The following MPPED2 variants were observed in gnomAD, a reference collection of about 807,000 sequenced individuals.
The protein encoded by MPPED2 is metallophosphoesterase domain containing 2.
Under a neutral mutation model 33.0 loss-of-function variants are expected in MPPED2, and 5 were observed. The ratio of observed to expected loss-of-function variants is 0.15; its 90% CI spans 0.08 to 0.32. The LOEUF is 0.32. Ranked by LOEUF, MPPED2 falls within the 10% of genes least tolerant of loss-of-function variation. The pLI is 1.00. For synonymous variants in MPPED2, 136 were observed against 141.9 expected (o/e 0.96, Z 0.29); for missense variants, 275 against 372.1 (o/e 0.74, Z 2.15).
chr11:30,432,152 G>C (rs927897078), intron 4 of MPPED2, among the ~76,000 whole-genome samples: 2 of 143,668 alleles, frequency 1.4e-5, no homozygotes, highest in Non-Finnish European at 3.0e-5. Context: ...ATGGGGGATA[G>C]AGCAGGATTC....
chr11:30,427,177 G>C (rs1479287325), intron 4 of MPPED2, among the ~76,000 whole-genome samples: 1 of 152,204 alleles, frequency 6.6e-6, no homozygotes, highest in Non-Finnish European at 1.5e-5. Context: ...AAAGAGGAAA[G>C]GTAGGTTCGG....
chr11:30,519,824 T>C (rs1375187159), intron 3 of MPPED2, among the ~76,000 whole-genome samples: 1 of 152,146 alleles, frequency 6.6e-6, no homozygotes, highest in Non-Finnish European at 1.5e-5. Flanking sequence ...TGCTCTTGGT[T>C]GATTAACAAT....
intron 4 of MPPED2, among the ~76,000 whole-genome samples, chr11:30,467,827 G>A (rs1333417099): frequency 6.6e-6 from 1 of 152,114 alleles, no homozygotes; most frequent in Non-Finnish European, 1.5e-5. Context: ...TCACGCCTTG[G>A]GCTTTCATCA....
rs1443707278 is a variant in MPPED2, at chr11:30,444,017, G to A, written c.537-26384C>T. ...AAATAAATGTCTTTTTTGTGTTATT[G>A]CTATCTCACAAGAGTTAAAGCCAAA... On this transcript the variant is annotated intron_variant, in intron 4 of 6. Coordinates refer to ENST00000358117, the MANE Select transcript of MPPED2 (RefSeq NM_001584.3). 2.0e-5 allele frequency among the ~76,000 whole-genome samples: 3 copies of A among 152,204 alleles called. No individual in the cohort carries two copies. In the East Asian group the frequency reaches 5.8e-4, roughly 29 times the overall value.
chr11:30,534,381 G>A (rs489880), intron 3 of MPPED2, among the ~76,000 whole-genome samples: 55,663 of 151,936 alleles, frequency 0.37, 10,633 homozygotes, highest in African/African-American at 0.47. Flanking sequence ...AGAGAAAAAA[G>A]ACATAAGCGA....
intron 4 of MPPED2, among the ~76,000 whole-genome samples, chr11:30,479,596 G>A (rs1167643407): frequency 1.3e-5 from 2 of 151,942 alleles, no homozygotes; most frequent in Non-Finnish European, 2.9e-5. Flanking sequence ...TTGCTACAAG[G>A]TTTGATTTTG....
chr11:30,582,529 A>T (rs1201138373), intron 1 of MPPED2, among the ~76,000 whole-genome samples: 1 of 152,228 alleles, frequency 6.6e-6, no homozygotes, highest in African/African-American at 2.4e-5. Flanking sequence ...TGCACCCAGT[A>T]CTAGAAAGAT....
intron 3 of MPPED2, among the ~76,000 whole-genome samples, chr11:30,505,100 G>T (rs1041717202): frequency 3.9e-5 from 6 of 152,170 alleles, no homozygotes; most frequent in Non-Finnish European, 7.3e-5. Context: ...AGTCACTACT[G>T]CATTGCACTG....
intron 3 of MPPED2, among the ~76,000 whole-genome samples, chr11:30,507,723 G>C (rs548477246): frequency 2.6e-4 from 40 of 152,142 alleles, no homozygotes; most frequent in Non-Finnish European, 5.4e-4. Context: ...GACTTCCTGG[G>C]GGGTGTGAAA....
At chr11:30,515,227 G>A (rs890769492) in intron 3 of MPPED2, among the ~76,000 whole-genome samples, 1 of 152,120 alleles carries the variant, frequency 6.6e-6, no homozygotes, top group Admixed American at 6.5e-5. Context: ...AAAAGAGAGT[G>A]GAAAAGAATG....
chr11:30,573,246 C>A (rs1049720725), intron 2 of MPPED2, among the ~76,000 whole-genome samples: 6 of 152,084 alleles, frequency 3.9e-5, no homozygotes, highest in African/African-American at 1.4e-4. Flanking sequence ...TGTGGTGTAA[C>A]TTATTACTCA....
At chr11:30,511,572 C>T (rs181080530) in intron 3 of MPPED2, among the ~76,000 whole-genome samples, 132 of 152,182 alleles carry the variant, frequency 8.7e-4, no homozygotes, top group Non-Finnish European at 1.1e-3. Context: ...TGATTATGTA[C>T]GGCACAATGT....
chr11:30,472,846 A>T (rs963528210), intron 4 of MPPED2, among the ~76,000 whole-genome samples: 1 of 152,200 alleles, frequency 6.6e-6, no homozygotes, highest in South Asian at 2.1e-4. Context: ...ACAACAATGT[A>T]CATGTACTTA....
At chr11:30,417,494 A>G (rs1948425150) in intron 5 of MPPED2, 24 bp downstream of exon 5, 7 of 1,415,392 alleles carry the variant, frequency 4.9e-6, no homozygotes, top group Non-Finnish European at 7.0e-6. Context: ...CTGGATGACA[A>G]AGGACAACCT....
intron 6 of MPPED2, among the ~76,000 whole-genome samples, chr11:30,393,109 T>C (rs1947800288): frequency 6.6e-6 from 1 of 152,146 alleles, no homozygotes; most frequent in Non-Finnish European, 1.5e-5. Flanking sequence ...CATCGACAGT[T>C]GTTTCTCTTT....
chr11:30,419,356 T>C (rs939506581), intron 4 of MPPED2, among the ~76,000 whole-genome samples: 17 of 152,192 alleles, frequency 1.1e-4, no homozygotes, highest in African/African-American at 3.9e-4. Context: ...TTATATACTA[T>C]CTGAATTAAT....
At chr11:30,415,408 G>C (rs553925698) in intron 5 of MPPED2, among the ~76,000 whole-genome samples, 2 of 152,194 alleles carry the variant, frequency 1.3e-5, no homozygotes, top group East Asian at 3.9e-4. Context: ...TTTTCCTGAA[G>C]GGGGAAAATA....
At position 30,394,302 on chromosome 11, in the gene MPPED2, C is replaced by T. The variant is rs556510415; in HGVS notation, c.767-5346G>A. Among the ~76,000 whole-genome samples, 143 of 152,258 alleles carry T rather than the reference C, an allele frequency of 9.4e-4. 1 individual carries two copies. Among genetic ancestry groups the T allele is most frequent in the African/African-American group, 3.2e-3 (134 of 41,558 alleles). On this transcript the variant is annotated intron_variant, in intron 6 of 6. Transcript: ENST00000448418. ...GGGTAAATATTCAGAAGTGAGATTG[C>T]TAGATCATCTGTAAATGTATCTTTA...
At chr11:30,505,989 C>G (rs574102847) in intron 3 of MPPED2, among the ~76,000 whole-genome samples, 12 of 152,120 alleles carry the variant, frequency 7.9e-5, no homozygotes, top group African/African-American at 2.9e-4. Flanking sequence ...CAGGAAAGGA[C>G]CAAATACAAT....
Sources: gnomAD v4.1 joint callset for allele counts (sites outside exome capture counted in the v4.1 genomes callset) on GRCh38, gnomAD v4.1.1 for gene constraint, MANE v1.5 for transcripts, NCBI Gene and HGNC (gene_info 2026-07-23, HGNC 2026-07-21) for gene names.